ROCK2: variants seen among roughly 807,000 people sequenced by gnomAD.
The protein encoded by ROCK2 is rho-associated protein kinase 2.
In ROCK2, 61 loss-of-function variants were observed where a neutral mutation model predicts 195.1. The observed-to-expected ratio is 0.31, with a 90% CI of 0.25 to 0.39. ROCK2 has a LOEUF of 0.39. ROCK2 is among the 10% of genes least tolerant of loss of function. The pLI is 1.00. For missense variants in ROCK2, 1,109 were observed against 1,637.4 expected (o/e 0.68, Z 5.57); for synonymous variants, 504 against 545.5 (o/e 0.92, Z 1.06).
At chr2:11,341,698 G>A (rs1487714518) in intron 1 of ROCK2, among the ~76,000 whole-genome samples, 1 of 152,068 alleles carries the variant, frequency 6.6e-6, no homozygotes, top group Non-Finnish European at 1.5e-5. Flanking sequence ...GACAAAATAT[G>A]TATTTCCCAT....
At chr2:11,220,424 CAT>C (rs1664596428) in intron 9 of ROCK2, among the ~76,000 whole-genome samples, 1 of 152,104 alleles carries the variant, frequency 6.6e-6, no homozygotes, top group Non-Finnish European at 1.5e-5. Flanking sequence ...GCTAGGATTA[CAT>C]GTGTGAATCA....
chr2:11,290,424 C>T (rs534079729), intron 1 of ROCK2, among the ~76,000 whole-genome samples: 32 of 152,054 alleles, frequency 2.1e-4, no homozygotes, highest in African/African-American at 7.2e-4. Flanking sequence ...CACAGCAAGA[C>T]CCCATCTCAT....
At chr2:11,211,620 C>T in intron 18 of ROCK2, 61 bp downstream of exon 18, 1 of 1,448,698 alleles carries the variant, frequency 6.9e-7, no homozygotes, top group Non-Finnish European at 9.2e-7. Flanking sequence ...AACCAAAAAG[C>T]TAACACAGAA....
At chr2:11,343,661 A>C (rs935464166) in intron 1 of ROCK2, among the ~76,000 whole-genome samples, 2 of 152,146 alleles carry the variant, frequency 1.3e-5, no homozygotes, top group African/African-American at 4.8e-5. Context: ...AAATCAGCTA[A>C]CCTGGTGTAT....
At chr2:11,211,021 A>G (rs72785491) in intron 18 of ROCK2, among the ~76,000 whole-genome samples, 6,522 of 152,336 alleles carry the variant, frequency 0.043, 282 homozygotes, top group Non-Finnish European at 0.06. Flanking sequence ...AGAATAGCTT[A>G]AAGTACTGAT....
intron 3 of ROCK2, 91 bp downstream of exon 3, chr2:11,286,448 G>A (rs937629468): frequency 3.9e-6 from 3 of 767,076 alleles, no homozygotes; most frequent in African/African-American, 3.5e-5. Context: ...GCATGGGTGG[G>A]CATAGAAATT....
chr2:11,292,678 C>A (rs905038761), intron 1 of ROCK2, among the ~76,000 whole-genome samples: 2 of 152,070 alleles, frequency 1.3e-5, no homozygotes, highest in African/African-American at 4.8e-5. Flanking sequence ...GATTAGTGAC[C>A]AGGAAATGTT....
chr2:11,230,052 C>T (rs1359172383), intron 5 of ROCK2, among the ~76,000 whole-genome samples: 3 of 152,094 alleles, frequency 2.0e-5, no homozygotes, highest in Admixed American at 2.0e-4. Flanking sequence ...TAAATATAAA[C>T]ATGTGTGCAT....
intron 8 of ROCK2, among the ~76,000 whole-genome samples, chr2:11,221,687 A>G (rs1664643196): frequency 2.0e-5 from 3 of 152,214 alleles, no homozygotes; most frequent in Non-Finnish European, 4.4e-5. Context: ...AATGTCATAT[A>G]TACATAGTAA....
At chr2:11,242,980 G>A (rs968772373) in intron 4 of ROCK2, among the ~76,000 whole-genome samples, 7 of 152,120 alleles carry the variant, frequency 4.6e-5, no homozygotes, top group African/African-American at 1.7e-4. Flanking sequence ...CCTTGTCTGG[G>A]ACACTTTCTT....
chr2:11,213,813 A>C (rs1160586296), intron 17 of ROCK2, among the ~76,000 whole-genome samples: 1 of 152,058 alleles, frequency 6.6e-6, no homozygotes, highest in Non-Finnish European at 1.5e-5. Context: ...TGTCATTAGA[A>C]TTATCTTTGT....
intron 1 of ROCK2, among the ~76,000 whole-genome samples, chr2:11,316,703 G>T (rs537035180): frequency 6.6e-6 from 1 of 152,088 alleles, no homozygotes; most frequent in African/African-American, 2.4e-5. Context: ...TCTTTAAGAC[G>T]TAAACATTTT....
chr2:11,258,870 A>G (rs1666127079), intron 3 of ROCK2, among the ~76,000 whole-genome samples: 1 of 150,500 alleles, frequency 6.6e-6, no homozygotes, highest in South Asian at 2.1e-4. Flanking sequence ...TGGATCCTGG[A>G]AAGGGATTAA....
Position 11,214,296 on chromosome 2 carries a change from C to A in ROCK2, c.2043+61G>T, listed in dbSNP as rs1234251059. On this transcript the variant is annotated intron_variant, in intron 17 of 32. Transcript: ENST00000315872. ...AGTGACTTCCCTTAGTTTAGAATAACTTTTCTAACCTGAAAGTCTACTGTC... is the reference window on the plus strand; with the variant it reads ...AGTGACTTCCCTTAGTTTAGAATAAATTTTCTAACCTGAAAGTCTACTGTC... 4 of 937,474 alleles carry A rather than the reference C, an allele frequency of 4.3e-6. No homozygotes were observed. The Admixed American group carries it at 9.1e-5, about 21-fold the overall frequency. The allele number at this position is 937,474 out of a possible 1,614,324, so 58.1% of individuals were successfully genotyped here.
intron 3 of ROCK2, among the ~76,000 whole-genome samples, chr2:11,252,205 G>A (rs1047870203): frequency 5.9e-5 from 9 of 152,180 alleles, no homozygotes; most frequent in Middle Eastern, 3.4e-3. Context: ...GAAGTCAGGC[G>A]TTCGAGACCA....
intron 4 of ROCK2, among the ~76,000 whole-genome samples, chr2:11,238,206 AAG>A (rs1470493588): frequency 7.7e-4 from 32 of 41,400 alleles, no homozygotes; most frequent in Admixed American, 1.3e-3. Flanking sequence ...CAAATTGAGA[AAG>A]AGTGTGTGTG....
rs1663026815 is a variant in ROCK2, at chr2:11,182,111, TG to T, written c.*1325del. On this transcript the variant is annotated 3_prime_UTR_variant, in exon 33 of 33. Transcript: ENST00000315872. ...TGGGATCATGAGAATACGGCAAGAA[TG>T]TCCTGCGTAAACTGTAACTTTGACA... is the stretch of plus-strand genomic sequence containing the variant. 1 of 152,186 alleles carries T rather than the reference TG, an allele frequency of 6.6e-6. No individual in the cohort carries two copies. Among genetic ancestry groups the T allele is most frequent in the Non-Finnish European group, 1.5e-5 (1 of 68,018 alleles). The allele number at this position is 152,186 out of a possible 1,614,324, so 9.4% of individuals were successfully genotyped here. A position where few individuals can be genotyped will look rare whatever the true frequency, so the allele number is the denominator to read the frequency against.
chr2:11,323,211 T>C (rs1364197318), intron 1 of ROCK2, among the ~76,000 whole-genome samples: 1 of 152,182 alleles, frequency 6.6e-6, no homozygotes, highest in African/African-American at 2.4e-5. Flanking sequence ...AAAATAAGCA[T>C]CATAATGAAA....
At position 11,183,363 on chromosome 2, in the gene ROCK2, C is replaced by T. The variant is rs1048715; in HGVS notation, c.*74G>A. The T allele has an allele frequency of 7.9e-7, 1 of 1,270,648 alleles. No homozygotes were observed. Among genetic ancestry groups the T allele is most frequent in the East Asian group, 2.4e-5 (1 of 41,626 alleles). The allele number at this position is 1,270,648 out of a possible 1,614,324, so 78.7% of individuals were successfully genotyped here. On this transcript the variant is annotated 3_prime_UTR_variant, in exon 33 of 33. Coordinates refer to ENST00000315872, the MANE Select transcript of ROCK2 (RefSeq NM_004850.5). The stretch of plus-strand genomic sequence containing the variant: ...ATATAGCTTTTTAATAAATTTTGGG[C>T]CATCATATTTCAGTCTTGTTTTCAC...
Sources: gnomAD v4.1 joint callset for allele counts (sites outside exome capture counted in the v4.1 genomes callset) on GRCh38, gnomAD v4.1.1 for gene constraint, MANE v1.5 for transcripts, NCBI Gene and HGNC (gene_info 2026-07-23, HGNC 2026-07-21) for gene names.